The following DMD variants were observed in gnomAD, a reference collection of about 807,000 sequenced individuals.
The protein encoded by DMD is mutant dystrophin.
Under a neutral mutation model 330.1 loss-of-function variants are expected in DMD, and 63 were observed. The ratio of observed to expected loss-of-function variants is 0.19; its 90% CI spans 0.16 to 0.24. The LOEUF is 0.24. Among genes scored for constraint, DMD ranks in the 10% least tolerant of loss-of-function variants. The pLI is 1.00. For synonymous variants in DMD, 1,223 were observed against 959.8 expected, an observed-to-expected ratio of 1.27 and a Z score of -5.07; for missense variants, 3,344 against 2,684.1, an observed-to-expected ratio of 1.25 and a Z score of -5.43.
At chrX:32,434,045 T>A (rs1291170238) in intron 29 of DMD, among the ~76,000 whole-genome samples, 19 of 112,205 alleles carry the variant, frequency 1.7e-4, no homozygotes, top group Non-Finnish European at 2.4e-4. Context: ...CTTATTTGAA[T>A]GCAAACTCAC....
intron 61 of DMD, among the ~76,000 whole-genome samples, chrX:31,341,891 G>GCGCGCA (rs374298104): frequency 1.1e-3 from 106 of 98,882 alleles, no homozygotes; most frequent in East Asian, 7.3e-3. Flanking sequence ...GTGCGCGCGC[G>GCGCGCA]CACACACACA....
chrX:33,322,600 T>A (rs1273194885), intron 1 of DMD, among the ~76,000 whole-genome samples: 2 of 111,816 alleles, frequency 1.8e-5, no homozygotes, highest in African/African-American at 6.5e-5. Flanking sequence ...AAATCATTTC[T>A]GATTAATCTT....
chrX:32,677,538 T>A (rs1333153088), intron 9 of DMD, among the ~76,000 whole-genome samples: 3 of 111,715 alleles, frequency 2.7e-5, no homozygotes. Flanking sequence ...CACTGGAATT[T>A]TGTTTCTTTC....
chrX:32,813,617 TAAG>T (rs1193451576), intron 6 of DMD, among the ~76,000 whole-genome samples: 1 of 111,755 alleles, frequency 8.9e-6, no homozygotes, highest in Admixed American at 9.6e-5. Flanking sequence ...TACATTTATA[TAAG>T]AAGAGTGATG....
At chrX:33,066,672 C>T (rs2094666825) in intron 1 of DMD, among the ~76,000 whole-genome samples, 1 of 109,934 alleles carries the variant, frequency 9.1e-6, no homozygotes, top group African/African-American at 3.3e-5. Context: ...CCCATTTAAA[C>T]CTTTAATTCT....
rs1461214472 is a variant in DMD, at chrX:32,252,631, T to C, written c.6290+34898A>G. On this transcript the variant is annotated intron_variant, in intron 43 of 78. Coordinates refer to ENST00000357033, the MANE Select transcript of DMD (RefSeq NM_004006.3). The stretch of plus-strand genomic sequence containing the variant: ...ATATAAATAAATATATAAATATGTG[T>C]ATATATAAATATATATAAATACAAA... Among the ~76,000 whole-genome samples the C allele has an allele frequency of 4.0e-3, 255 of 63,947 alleles. 3 individuals are homozygous for C. Among genetic ancestry groups the C allele is most frequent in the African/African-American group, 0.014 (218 of 15,692 alleles). The allele number at this position is 63,947 out of a possible 115,157, so 55.5% of individuals were successfully genotyped here.
At chrX:31,231,055 G>A (rs1019462811) in intron 63 of DMD, among the ~76,000 whole-genome samples, 2 of 111,165 alleles carry the variant, frequency 1.8e-5, no homozygotes, top group African/African-American at 6.6e-5. Context: ...ATAATGGAGG[G>A]CTGACTCATA....
intron 21 of DMD, among the ~76,000 whole-genome samples, chrX:32,484,182 A>C (rs1326997682): frequency 1.8e-5 from 2 of 111,563 alleles, no homozygotes; most frequent in Non-Finnish European, 3.8e-5. Flanking sequence ...TAGTGAATCA[A>C]AACCCCATTT....
rs1220335708 is a variant in DMD at position 31,121,477 on chromosome X, G to GT, written c.*441dup. The GT allele has an allele frequency of 6.0e-6, 1 of 168,022 alleles. No individual in the cohort carries two copies. The allele number at this position is 168,022 out of a possible 1,213,427, so 13.8% of individuals were successfully genotyped here. ...GTGTGTGTTTGTTTTGTTTTTAGGG[G>GT]TTTTTATAAACAACTTTTTTTTATA... On this transcript the variant is annotated 3_prime_UTR_variant, in exon 79 of 79. Transcript: ENST00000357033.
rs752169746 is a variant in DMD, at chrX:31,451,751, C to T, written c.8938-7124G>A. ...CAAAGGGGATACTTTGCAGACTGAG[C>T]GAATACAACCCTCTGCCTTTAGTAT... On this transcript the variant is annotated intron_variant, in intron 59 of 78. Coordinates refer to ENST00000357033, the MANE Select transcript of DMD (RefSeq NM_004006.3). Among the ~76,000 whole-genome samples, 4 of 109,857 alleles carry T rather than the reference C, an allele frequency of 3.6e-5. No homozygotes were observed. In the East Asian group the frequency reaches 8.6e-4, roughly 24 times the overall value.
chrX:32,126,570 AC>A (rs2146850813), intron 44 of DMD, among the ~76,000 whole-genome samples: 1 of 109,093 alleles, frequency 9.2e-6, no homozygotes, highest in African/African-American at 3.6e-5. Context: ...ACCCTGGGTC[AC>A]AAAAATCTAA....
chrX:32,204,065 C>G (rs766686490), intron 44 of DMD, among the ~76,000 whole-genome samples: 79 of 111,463 alleles, frequency 7.1e-4, no homozygotes, highest in African/African-American at 2.4e-3. Flanking sequence ...TATTTAAGGT[C>G]TCTTAGGAAG....
chrX:32,801,083 G>A (rs1471465304), intron 7 of DMD, among the ~76,000 whole-genome samples: 2 of 111,313 alleles, frequency 1.8e-5, no homozygotes, highest in Non-Finnish European at 3.8e-5. Context: ...TCTGGCTCTA[G>A]ATCCTTGAGC....
chrX:32,642,490 T>C (rs747636500), intron 11 of DMD, among the ~76,000 whole-genome samples: 1 of 111,882 alleles, frequency 8.9e-6, no homozygotes, highest in Non-Finnish European at 1.9e-5. Flanking sequence ...CATTCTCTAG[T>C]GGGATGGGGA....
chrX:32,007,055 C>T (rs1197194766), intron 44 of DMD, among the ~76,000 whole-genome samples: 1 of 64,515 alleles, frequency 1.6e-5, no homozygotes, highest in Non-Finnish European at 2.6e-5. Context: ...ACATCACACT[C>T]TGGGGACTGT....
chrX:31,597,196 T>C (rs1272332582), intron 55 of DMD, among the ~76,000 whole-genome samples: 1 of 111,948 alleles, frequency 8.9e-6, no homozygotes, highest in Non-Finnish European at 1.9e-5. Flanking sequence ...TAGTGAAGTA[T>C]ACCCAAATAA....
At chrX:32,570,374 G>C in intron 15 of DMD, among the ~76,000 whole-genome samples, 1 of 106,476 alleles carries the variant, frequency 9.4e-6, no homozygotes. Flanking sequence ...ACTATCAAAT[G>C]ACAAGACCTA....
At chrX:33,226,487 G>A (rs1047387968) in intron 1 of DMD, among the ~76,000 whole-genome samples, 2 of 111,420 alleles carry the variant, frequency 1.8e-5, no homozygotes, top group African/African-American at 6.5e-5. Context: ...ATAATACAGG[G>A]TTTCATTTAC....
rs773411772 is a variant in DMD at position 31,858,757 on chromosome X, G to A, written c.7098+16431C>T. On this transcript the variant is annotated intron_variant, in intron 48 of 78. Transcript: ENST00000357033. ...ATATTTGTCTTTTTCTCCCCATTGG[G>A]AAATAAAGTAACAAAGATTATGGCC... 8.7e-4 allele frequency among the ~76,000 whole-genome samples: 96 copies of A among 110,241 alleles called. 1 individual carries two copies. Among genetic ancestry groups the A allele is most frequent in the Admixed American group, 2.6e-3 (27 of 10,272 alleles).
Sources: gnomAD v4.1 joint callset for allele counts (sites outside exome capture counted in the v4.1 genomes callset) on GRCh38, gnomAD v4.1.1 for gene constraint, MANE v1.5 for transcripts, NCBI Gene and HGNC (gene_info 2026-07-23, HGNC 2026-07-21) for gene names.